ALCAM: variants seen among roughly 807,000 people sequenced by gnomAD.
ALCAM encodes the protein activated leukocyte cell adhesion molecule.
In ALCAM, 30 loss-of-function variants were observed where a neutral mutation model predicts 70.9. That is an observed-to-expected ratio of 0.42 (90% CI 0.32 to 0.57). The LOEUF (loss-of-function observed/expected upper bound fraction) is 0.57. Among genes scored for constraint, ALCAM ranks in the 20% least tolerant of loss-of-function variants. The probability of loss-of-function intolerance (pLI) is 0.11; values close to 1 mark genes in which losing one functional copy is unlikely to be tolerated. For missense variants in ALCAM, 591 were observed against 695.1 expected (o/e 0.85, Z 1.68); for synonymous variants, 249 against 242.5 (o/e 1.03, Z -0.25).
chr3:105,487,467 G>A (rs1938462386), intron 1 of ALCAM, among the ~76,000 whole-genome samples: 1 of 152,002 alleles, frequency 6.6e-6, no homozygotes, highest in African/African-American at 2.4e-5. Flanking sequence ...TTATGTCACA[G>A]GTTTATAAGA....
rs144189921 is a variant in ALCAM at position 105,476,507 on chromosome 3, C to T, written c.74-43560C>T. ...CACAGACTTCTGTCTTTTCCATCTT[C>T]GCCATCTCTTTACTGGTTCCAGTTA... is the stretch of plus-strand genomic sequence containing the variant. On this transcript the variant is annotated intron_variant, in intron 1 of 15. Coordinates refer to ENST00000306107, the MANE Select transcript of ALCAM (RefSeq NM_001627.4). 1.5e-4 allele frequency among the ~76,000 whole-genome samples: 23 copies of T among 152,146 alleles called. 1 individual carries two copies. Among genetic ancestry groups the T allele is most frequent in the South Asian group, 8.3e-4 (4 of 4,824 alleles).
At chr3:105,397,132 G>A (rs1935975031) in intron 1 of ALCAM, among the ~76,000 whole-genome samples, 1 of 152,022 alleles carries the variant, frequency 6.6e-6, no homozygotes, top group African/African-American at 2.4e-5. Flanking sequence ...ATTGTGCTTT[G>A]TGAAATGATG....
rs1935091659 is a variant in ALCAM at position 105,367,456 on chromosome 3, G to C, written c.48G>C (p.Leu16Phe). 2 of 1,613,914 alleles carry C rather than the reference G, an allele frequency of 1.2e-6. No homozygotes were observed. Among genetic ancestry groups the C allele is most frequent in the African/African-American group, 1.3e-5 (1 of 74,912 alleles). ...CCTGCCGTCTGCTCTTCTGCCTCTT[G>C]ATCTCCGCCACCGTCTTCAGGCCAG... ...ASSCRLLFCL[L>F]ISATVFRPGL... The change falls in exon 1 of 16, where the codon TTG becomes TTC. Residue 16 changes from leucine (L) to phenylalanine (F), a missense_variant. Leu to Phe is a conservative substitution (Grantham distance 22, BLOSUM62 0). Transcript: ENST00000306107.
intron 1 of ALCAM, among the ~76,000 whole-genome samples, chr3:105,449,684 G>A (rs958855306): frequency 1.3e-4 from 20 of 152,072 alleles, no homozygotes; most frequent in African/African-American, 4.3e-4. Context: ...ACTGTGCCAC[G>A]TAAAGACTTT....
intron 1 of ALCAM, among the ~76,000 whole-genome samples, chr3:105,495,569 A>G (rs1236442031): frequency 6.6e-6 from 1 of 152,244 alleles, no homozygotes; most frequent in African/African-American, 2.4e-5. Context: ...ACAAGTTTTA[A>G]AATAGATAAC....
chr3:105,559,008 ACTAGAGGGT>A (rs1301237786), intron 14 of ALCAM, among the ~76,000 whole-genome samples: 3 of 151,988 alleles, frequency 2.0e-5, no homozygotes, highest in Non-Finnish European at 1.5e-5. Flanking sequence ...TGCAGCTTAG[ACTAGAGGGT>A]CACCTTTAGC....
intron 1 of ALCAM, among the ~76,000 whole-genome samples, chr3:105,491,712 C>T (rs989475650): frequency 6.6e-6 from 1 of 152,208 alleles, no homozygotes; most frequent in African/African-American, 2.4e-5. Context: ...ACAAGAGTCA[C>T]CTTAGCTCCA....
At chr3:105,425,907 T>C (rs1936779218) in intron 1 of ALCAM, among the ~76,000 whole-genome samples, 1 of 151,858 alleles carries the variant, frequency 6.6e-6, no homozygotes, top group Admixed American at 6.6e-5. Flanking sequence ...TGTTCCTCTC[T>C]TAAAGAGCGA....
intron 14 of ALCAM, among the ~76,000 whole-genome samples, chr3:105,562,407 T>G (rs1022697228): frequency 6.6e-6 from 1 of 152,222 alleles, no homozygotes; most frequent in Non-Finnish European, 1.5e-5. Flanking sequence ...ATAATCATAT[T>G]GTTTACTCTG....
At chr3:105,397,787 G>A (rs889178285) in intron 1 of ALCAM, among the ~76,000 whole-genome samples, 2 of 151,970 alleles carry the variant, frequency 1.3e-5, no homozygotes, top group Non-Finnish European at 2.9e-5. Flanking sequence ...TAAAAAAATT[G>A]AACTTCTGTT....
intron 15 of ALCAM, 131 bp downstream of exon 15, chr3:105,572,095 C>G (rs909140549): frequency 1.8e-6 from 1 of 568,426 alleles, no homozygotes; most frequent in Non-Finnish European, 3.1e-6. Context: ...GGTTTTTTTT[C>G]TTTTTATTAT....
At chr3:105,504,498 T>A (rs1181722511) in intron 1 of ALCAM, among the ~76,000 whole-genome samples, 1 of 152,236 alleles carries the variant, frequency 6.6e-6, no homozygotes, top group Non-Finnish European at 1.5e-5. Context: ...GGTTTTCTCC[T>A]GGAGTCTGGC....
chr3:105,575,343 T>C lies in ALCAM; in HGVS notation c.*892T>C, dbSNP rs751489391. On this transcript the variant is annotated 3_prime_UTR_variant, in exon 16 of 16. Transcript: ENST00000306107. ...ACAAATTGGTGTTAAATCCTTTGGGTTATCCACTGCCTTAAAATTATACCT... is the reference window on the plus strand; with the variant it reads ...ACAAATTGGTGTTAAATCCTTTGGGCTATCCACTGCCTTAAAATTATACCT... 13 of 152,602 alleles carry C rather than the reference T, an allele frequency of 8.5e-5. No individual in the cohort carries two copies. Among genetic ancestry groups the C allele is most frequent in the Non-Finnish European group, 1.6e-4 (11 of 68,030 alleles). 9.5% of individuals were successfully genotyped at this position (152,602 alleles called of 1,614,324 possible). A position where few individuals can be genotyped will look rare whatever the true frequency, so the allele number is the denominator to read the frequency against.
intron 1 of ALCAM, among the ~76,000 whole-genome samples, chr3:105,374,417 G>A (rs754146945): frequency 3.2e-4 from 48 of 152,226 alleles, no homozygotes; most frequent in Non-Finnish European, 4.7e-4. Context: ...AAAAAAGAAC[G>A]TAATGCTCTG....
Position 105,540,091 on chromosome 3 carries a change from T to A in ALCAM, c.847T>A (p.Phe283Ile), listed in dbSNP as rs769486800. 3.9e-5 allele frequency: 63 copies of A among 1,611,520 alleles called. No homozygotes were observed. In the Admixed American group the frequency reaches 1.0e-3, roughly 26 times the overall value. Residue 283 changes from phenylalanine to isoleucine, a missense_variant, in exon 7 of 16, where the codon TTT (phenylalanine) becomes ATT (isoleucine). Transcript: ENST00000306107. ...CAACCCTCCCCCAGAGGAATTTTTG[T>A]TTTACTTACCAGTAAGTGCTTAAGT... ...NGNPPPEEFLFYLPGQPEGIR... is the reference protein window; with the variant it reads ...NGNPPPEEFLIYLPGQPEGIR...
At chr3:105,518,660 T>A (rs1019981014) in intron 1 of ALCAM, among the ~76,000 whole-genome samples, 1 of 152,088 alleles carries the variant, frequency 6.6e-6, no homozygotes, top group Non-Finnish European at 1.5e-5. Context: ...AAAACAATTT[T>A]AAAATTATAG....
At chr3:105,441,021 T>C (rs1937158681) in intron 1 of ALCAM, among the ~76,000 whole-genome samples, 1 of 152,134 alleles carries the variant, frequency 6.6e-6, no homozygotes. Context: ...CTAGGGTATT[T>C]CTAGGAGTTA....
chr3:105,446,403 A>G (rs1465375822), intron 1 of ALCAM, among the ~76,000 whole-genome samples: 1 of 152,168 alleles, frequency 6.6e-6, no homozygotes, highest in Non-Finnish European at 1.5e-5. Flanking sequence ...TATGGAAAAC[A>G]GTATGTAGGT....
chr3:105,513,932 G>A (rs985958155), intron 1 of ALCAM, among the ~76,000 whole-genome samples: 5 of 151,870 alleles, frequency 3.3e-5, no homozygotes, highest in African/African-American at 4.8e-5. Flanking sequence ...AATAAAAATT[G>A]AGTTTGCCCA....
Sources: allele counts gnomAD v4.1 joint callset (sites outside exome capture counted in the v4.1 genomes callset), GRCh38; gene constraint gnomAD v4.1.1; transcripts MANE v1.5; gene names NCBI Gene and HGNC (gene_info 2026-07-23, HGNC 2026-07-21).